OBI1: variants seen among roughly 807,000 people sequenced by gnomAD.
OBI1 encodes the protein ring finger protein 219.
OBI1 carries 59 observed loss-of-function variants against 62.4 expected under a neutral mutation model. The observed-to-expected ratio is 0.95, with a 90% CI of 0.77 to 1.17. OBI1 has a LOEUF of 1.17. Among genes scored for constraint, OBI1 ranks in the 50% most tolerant of loss-of-function variants. OBI1 has a pLI of 0.00. For missense variants in OBI1, 875 were observed against 830.9 expected, an observed-to-expected ratio of 1.05 and a Z score of -0.65; for synonymous variants, 302 against 292.8, an observed-to-expected ratio of 1.03 and a Z score of -0.32.
intron 5 of OBI1, among the ~76,000 whole-genome samples, chr13:78,626,892 C>T (rs1214956094): frequency 6.6e-5 from 10 of 152,106 alleles, no homozygotes. Context: ...CAGTGAAACC[C>T]CATCTCTACT....
chr13:78,648,411 A>G (rs1448275039), intron 1 of OBI1, among the ~76,000 whole-genome samples: 1 of 150,104 alleles, frequency 6.7e-6, no homozygotes, highest in Non-Finnish European at 1.5e-5. Flanking sequence ...CTACTTTTAT[A>G]GTAAGTTATT....
chr13:78,617,974 G>C (rs1309436041), intron 5 of OBI1, among the ~76,000 whole-genome samples: 1 of 151,976 alleles, frequency 6.6e-6, no homozygotes, highest in African/African-American at 2.4e-5. Flanking sequence ...AATGAGTACT[G>C]TGTTAAGCTC....
chr13:78,655,725 A>G (rs1250006839), intron 1 of OBI1, among the ~76,000 whole-genome samples: 1 of 152,194 alleles, frequency 6.6e-6, no homozygotes, highest in Non-Finnish European at 1.5e-5. Context: ...GAAGATGCTG[A>G]CTGTGAGATC....
At chr13:78,640,594 T>C (rs1593796094) in intron 3 of OBI1, among the ~76,000 whole-genome samples, 1 of 150,648 alleles carries the variant, frequency 6.6e-6, no homozygotes, top group South Asian at 2.1e-4. Flanking sequence ...AGGTCAGGAG[T>C]TCAAGACTAG....
At position 78,616,067 on chromosome 13, in the gene OBI1, T is replaced by A; in HGVS notation, c.1694A>T (p.Asp565Val). Residue 565 changes from aspartate to valine, a missense_variant, in exon 6 of 6, where the codon GAT becomes GTT. Transcript: ENST00000282003. ...CNNGFKSLDL[D>V]GLSKSSQGSE... ...GCCTTGAGATGACTTTGATAACCCA[T>A]CCAAATCCAGTGACTTAAAACCGTT... is the stretch of plus-strand genomic sequence containing the variant. The A allele has an allele frequency of 6.2e-7, 1 of 1,614,160 alleles. No individual in the cohort carries two copies. The highest frequency in any genetic ancestry group is 8.5e-7 in the Non-Finnish European group (1 of 1,180,030).
At chr13:78,623,461 T>C (rs1400951512) in intron 5 of OBI1, among the ~76,000 whole-genome samples, 1 of 152,172 alleles carries the variant, frequency 6.6e-6, no homozygotes, top group East Asian at 1.9e-4. Flanking sequence ...TATTATCTCA[T>C]TTAATCCTCA....
chr13:78,634,012 G>A (rs1249402658), intron 5 of OBI1, among the ~76,000 whole-genome samples: 2 of 150,904 alleles, frequency 1.3e-5, no homozygotes, highest in African/African-American at 2.4e-5. Flanking sequence ...AGCCTGCAGT[G>A]AGCCGAGATC....
At chr13:78,652,098 C>G (rs1463602620) in intron 1 of OBI1, among the ~76,000 whole-genome samples, 1 of 152,150 alleles carries the variant, frequency 6.6e-6, no homozygotes. Context: ...CTTTGGATAC[C>G]TGGTATTATC....
intron 5 of OBI1, among the ~76,000 whole-genome samples, chr13:78,625,869 A>G (rs1328287793): frequency 6.6e-6 from 1 of 152,240 alleles, no homozygotes; most frequent in African/African-American, 2.4e-5. Flanking sequence ...TTGTCAGAGA[A>G]GAATCGTGAT....
chr13:78,642,093 C>T, intron 3 of OBI1, 29 bp downstream of exon 3: 4 of 1,356,694 alleles, frequency 2.9e-6, no homozygotes, highest in Non-Finnish European at 4.2e-6. Flanking sequence ...TCACTGCTAA[C>T]ATAATTTTAA....
At chr13:78,643,535 T>TC (rs1338603803) in intron 2 of OBI1, among the ~76,000 whole-genome samples, 3 of 152,162 alleles carry the variant, frequency 2.0e-5, no homozygotes, top group African/African-American at 7.2e-5. Flanking sequence ...CGCCTGTAAT[T>TC]CCCAGCACTT....
intron 1 of OBI1, among the ~76,000 whole-genome samples, chr13:78,655,816 A>G (rs1479482239): frequency 1.3e-5 from 2 of 152,240 alleles, no homozygotes; most frequent in Non-Finnish European, 2.9e-5. Flanking sequence ...GAACATTCTT[A>G]GAAGTGGCCA....
chr13:78,632,103 C>A (rs1192422363), intron 5 of OBI1, among the ~76,000 whole-genome samples: 1 of 151,978 alleles, frequency 6.6e-6, no homozygotes, highest in East Asian at 2.0e-4. Context: ...ATGTTGAAGC[C>A]CTGACCTCTA....
chr13:78,658,753 G>C (rs984490671), intron 1 of OBI1, among the ~76,000 whole-genome samples: 1 of 152,166 alleles, frequency 6.6e-6, no homozygotes, highest in Non-Finnish European at 1.5e-5. Context: ...GGCCTCCTTC[G>C]AGGCCGGTGT....
chr13:78,627,032 C>G (rs559106755), intron 5 of OBI1, among the ~76,000 whole-genome samples: 11 of 152,264 alleles, frequency 7.2e-5, no homozygotes, highest in South Asian at 2.1e-4. Flanking sequence ...TGCCACTGCA[C>G]TCCAGCCTGG....
In OBI1 at chr13:78,616,087, A is replaced by G; in HGVS notation, c.1674T>C (p.Gly558=). Residue 558 remains glycine (G), a synonymous_variant, in exon 6 of 6, where the codon GGT becomes GGC. Coordinates refer to ENST00000282003, the MANE Select transcript of OBI1 (RefSeq NM_024546.4). ...ACCCATCCAAATCCAGTGACTTAAA[A>G]CCGTTATTACAAGGGCTCTTGCTGT... is the stretch of plus-strand genomic sequence containing the variant. ...SDNSKSPCNN[G]FKSLDLDGLS... 1 of 1,614,104 alleles carries G rather than the reference A, an allele frequency of 6.2e-7. No homozygotes were observed. The highest frequency in any genetic ancestry group is 8.5e-7 in the Non-Finnish European group (1 of 1,180,020).
chr13:78,629,954 C>T (rs1437932574), intron 5 of OBI1, among the ~76,000 whole-genome samples: 1 of 152,106 alleles, frequency 6.6e-6, no homozygotes, highest in Non-Finnish European at 1.5e-5. Context: ...AGTAGTACCA[C>T]GATATGTGGC....
intron 5 of OBI1, among the ~76,000 whole-genome samples, chr13:78,631,311 T>C (rs1427623715): frequency 2.6e-5 from 4 of 152,192 alleles, no homozygotes; most frequent in Non-Finnish European, 5.9e-5. Flanking sequence ...GTGTTAATTA[T>C]TAGCAGTTGT....
chr13:78,644,439 A>C (rs775773649), intron 2 of OBI1, among the ~76,000 whole-genome samples: 2 of 152,032 alleles, frequency 1.3e-5, no homozygotes, highest in Non-Finnish European at 2.9e-5. Context: ...AGTTCATGCT[A>C]TTCTCCCTGC....
Sources: allele counts gnomAD v4.1 joint callset (sites outside exome capture counted in the v4.1 genomes callset), GRCh38; gene constraint gnomAD v4.1.1; transcripts MANE v1.5; gene names NCBI Gene and HGNC (gene_info 2026-07-23, HGNC 2026-07-21).